The following DISP1 variants were observed in gnomAD, a reference collection of about 807,000 sequenced individuals.
The protein encoded by DISP1 is dispatched RND transporter family member 1.
A neutral mutation model predicts 37.3 loss-of-function variants in DISP1; 30 were observed. The observed-to-expected ratio is 0.80, with a 90% confidence interval of 0.60 to 1.09. The LOEUF (loss-of-function observed/expected upper bound fraction) is 1.09. Among genes scored for constraint, DISP1 ranks in the 50% least tolerant of loss-of-function variants. The pLI, the probability that DISP1 is intolerant of heterozygous loss-of-function variation, is 0.00. For missense variants in DISP1, 1,598 were observed against 1,879.5 expected, an observed-to-expected ratio of 0.85 and a Z score of 2.77; for synonymous variants, 634 against 690.2, an observed-to-expected ratio of 0.92 and a Z score of 1.28.
chr1:223,000,689 C>A (rs1229207460), intron 8 of DISP1, among the ~76,000 whole-genome samples: 1 of 152,066 alleles, frequency 6.6e-6, no homozygotes, highest in African/African-American at 2.4e-5. Flanking sequence ...TTCATCTATA[C>A]CCCACCCCCA....
At chr1:222,842,309 A>ATT (rs370490584) in intron 1 of DISP1, among the ~76,000 whole-genome samples, 11 of 109,746 alleles carry the variant, frequency 1.0e-4, no homozygotes, top group South Asian at 3.0e-4. Context: ...AAAACCTGTC[A>ATT]TTTTAAAAAA....
In DISP1 at chr1:222,822,107, C is replaced by T. The variant is rs553846858; in HGVS notation, c.-159+7029C>T. Among the ~76,000 whole-genome samples the T allele has an allele frequency of 3.3e-4, 50 of 152,180 alleles. No homozygotes were observed. The East Asian group carries it at 3.9e-3, about 12-fold the overall frequency. ...TAGTATCTTTATAGTAGTGTGAAAA[C>T]GGAATATACAGGATTGAATGACATA... On this transcript the variant is annotated intron_variant, in intron 1 of 8. Transcript: ENST00000675850.
chr1:222,888,970 A>G (rs892420460), intron 1 of DISP1, among the ~76,000 whole-genome samples: 12 of 152,154 alleles, frequency 7.9e-5, no homozygotes, highest in Non-Finnish European at 1.5e-5. Context: ...TTCTATACAT[A>G]TAATGTATAG....
Position 223,005,109 on chromosome 1 carries a change from G to A in DISP1, c.3712G>A (p.Glu1238Lys). 2 of 1,614,180 alleles carry A rather than the reference G, an allele frequency of 1.2e-6. No individual in the cohort carries two copies. The highest frequency in any genetic ancestry group is 1.3e-5 in the African/African-American group (1 of 75,056). Residue 1238 changes from glutamate to lysine, a missense_variant, in exon 9 of 9, where the codon GAA (glutamate) becomes AAA (lysine). Glu to Lys is a moderately conservative substitution (Grantham distance 56, BLOSUM62 1). Coordinates refer to ENST00000675850, the MANE Select transcript of DISP1 (RefSeq NM_001377229.1). ...GMPVHAAYNS[E>K]LSKSTESDAG... ...GCCTGTGCATGCAGCTTACAACAGTGAACTCAGCAAAAGCACTGAAAGTGA... is the reference window on the plus strand; with the variant it reads ...GCCTGTGCATGCAGCTTACAACAGTAAACTCAGCAAAAGCACTGAAAGTGA...
chr1:222,950,035 TTAAAAA>T (rs1204905377), intron 3 of DISP1, among the ~76,000 whole-genome samples: 4 of 152,138 alleles, frequency 2.6e-5, no homozygotes, highest in African/African-American at 9.7e-5. Flanking sequence ...ACCTGGGGAA[TTAAAAA>T]TAAAATAAGT....
chr1:222,887,776 G>A (rs1670707315), intron 1 of DISP1, among the ~76,000 whole-genome samples: 1 of 103,854 alleles, frequency 9.6e-6, no homozygotes, highest in Admixed American at 8.5e-5. Context: ...GGGATTACAG[G>A]CGTGAGCCAC....
At chr1:222,904,335 A>G (rs1671778511) in intron 1 of DISP1, among the ~76,000 whole-genome samples, 1 of 152,184 alleles carries the variant, frequency 6.6e-6, no homozygotes, top group Non-Finnish European at 1.5e-5. Context: ...TCGCTATTAC[A>G]TCATAAGTCA....
intron 1 of DISP1, among the ~76,000 whole-genome samples, chr1:222,852,267 C>A: frequency 6.6e-6 from 1 of 150,750 alleles, no homozygotes. Context: ...CCTTCCATAA[C>A]AAAACAGTCA....
chr1:222,907,967 A>G (rs1671997047), intron 1 of DISP1, among the ~76,000 whole-genome samples: 1 of 152,196 alleles, frequency 6.6e-6, no homozygotes, highest in Non-Finnish European at 1.5e-5. Context: ...TAAATAAAAT[A>G]AAATAAAGAT....
At chr1:222,992,563 C>T (rs1009854369) in intron 7 of DISP1, among the ~76,000 whole-genome samples, 3 of 152,100 alleles carry the variant, frequency 2.0e-5, no homozygotes, top group Non-Finnish European at 2.9e-5. Context: ...CTGATTCATT[C>T]AAAAAGCAAT....
chr1:222,860,452 A>G (rs555310137), intron 1 of DISP1, among the ~76,000 whole-genome samples: 41 of 152,352 alleles, frequency 2.7e-4, no homozygotes, highest in African/African-American at 9.6e-4. Context: ...TGGTGTGCCA[A>G]TATTGAGAAA....
At chr1:222,929,328 A>C (rs1006448903) in intron 2 of DISP1, among the ~76,000 whole-genome samples, 1 of 152,158 alleles carries the variant, frequency 6.6e-6, no homozygotes, top group East Asian at 1.9e-4. Context: ...GAAAAATTCA[A>C]ATTAGTTTAA....
chr1:222,919,826 C>T (rs1343625633), intron 1 of DISP1, among the ~76,000 whole-genome samples: 1 of 152,110 alleles, frequency 6.6e-6, no homozygotes. Flanking sequence ...AGGTTCTTTC[C>T]TTGCCAAAAA....
At chr1:222,846,571 A>G (rs74145584) in intron 1 of DISP1, among the ~76,000 whole-genome samples, 2,815 of 152,320 alleles carry the variant, frequency 0.018, 96 homozygotes, top group African/African-American at 0.064. Context: ...ATATCAAAAA[A>G]GCAGGGAAGA....
intron 7 of DISP1, 85 bp from the exon 8 acceptor site, chr1:222,994,800 T>A: frequency 9.9e-7 from 1 of 1,005,668 alleles, no homozygotes; most frequent in Non-Finnish European, 1.5e-6. Flanking sequence ...TTTCCCAGTT[T>A]GAATTATTTC....
intron 2 of DISP1, among the ~76,000 whole-genome samples, chr1:222,936,897 T>TATGTATAATATA (rs1491542918): frequency 2.4e-5 from 1 of 41,198 alleles, no homozygotes; most frequent in Non-Finnish European, 4.8e-5. Flanking sequence ...TAATATATTA[T>TATGTATAATATA]TTATATATAA....
At chr1:222,985,096 A>G (rs931722685) in intron 4 of DISP1, among the ~76,000 whole-genome samples, 2 of 152,212 alleles carry the variant, frequency 1.3e-5, no homozygotes, top group African/African-American at 4.8e-5. Flanking sequence ...GGAAGTAAAT[A>G]CGGCATATTA....
At chr1:222,876,827 C>G (rs901768586) in intron 1 of DISP1, among the ~76,000 whole-genome samples, 1 of 152,062 alleles carries the variant, frequency 6.6e-6, no homozygotes, top group Non-Finnish European at 1.5e-5. Flanking sequence ...GATTCCAGAA[C>G]ATTCCTTGGG....
At chr1:222,970,979 C>CT (rs1284141026) in intron 3 of DISP1, among the ~76,000 whole-genome samples, 1 of 152,084 alleles carries the variant, frequency 6.6e-6, no homozygotes, top group Non-Finnish European at 1.5e-5. Context: ...GCTTTCCCTA[C>CT]TTTTCGTCAG....
Sources: allele counts gnomAD v4.1 joint callset (sites outside exome capture counted in the v4.1 genomes callset), GRCh38; gene constraint gnomAD v4.1.1; transcripts MANE v1.5; gene names NCBI Gene and HGNC (gene_info 2026-07-23, HGNC 2026-07-21).